Variants in FARS2 observed in about 807,000 individuals in gnomAD.
FARS2 encodes the protein phenylalanyl-tRNA synthetase 2, mitochondrial.
A neutral mutation model predicts 46.4 loss-of-function variants in FARS2; 40 were observed. That is an observed-to-expected ratio of 0.86 (90% confidence interval 0.67 to 1.12). The LOEUF is 1.12. Among genes scored for constraint, FARS2 ranks in the 50% most tolerant of loss-of-function variants. The pLI is 0.00. For missense variants in FARS2, 513 were observed against 567.9 expected (o/e 0.90, Z 0.98); for synonymous variants, 234 against 214.9 (o/e 1.09, Z -0.78).
In FARS2 at chr6:5,318,387, CAAAA is replaced by C. The variant is rs753113504; in HGVS notation, c.-21-50146_-21-50143del. On this transcript the variant is annotated intron_variant, in intron 1 of 6. Transcript: ENST00000274680. ...AAAAAGCAAACAAGCAAAAAAAAAC[CAAAA>C]AAAAAAAAAAAAAAAACCCTACAAG... Among the ~76,000 whole-genome samples the C allele has an allele frequency of 3.6e-3, 279 of 77,196 alleles. 1 individual carries two copies. The Middle Eastern group carries it at 0.046, about 13-fold the overall frequency. The allele number at this position is 77,196 out of a possible 152,430, so 50.6% of individuals were successfully genotyped here. A position where few individuals can be genotyped will look rare whatever the true frequency, so the allele number is the denominator to read the frequency against.
rs548148582 is a variant in FARS2 at position 5,727,369 on chromosome 6, T to C, written c.1218-43922T>C. On this transcript the variant is annotated intron_variant, in intron 6 of 6. Coordinates refer to ENST00000274680, the MANE Select transcript of FARS2 (RefSeq NM_006567.5). The surrounding 1 kb of genome is among the most constrained non-coding windows in gnomAD (Gnocchi z 4.1). ...CTGTCTCACAGCGCCTGCTACTTTCTCTGAGGCAGTGGTGTCACTTATACT... is the reference window on the plus strand; with the variant it reads ...CTGTCTCACAGCGCCTGCTACTTTCCCTGAGGCAGTGGTGTCACTTATACT... Among the ~76,000 whole-genome samples the C allele has an allele frequency of 1.3e-5, 2 of 152,346 alleles. No individual in the cohort carries two copies. The highest frequency in any genetic ancestry group is 4.8e-5 in the African/African-American group (2 of 41,588).
At chr6:5,415,310 C>CTTTTTTTTTT (rs773981175) in intron 3 of FARS2, among the ~76,000 whole-genome samples, 8 of 53,636 alleles carry the variant, frequency 1.5e-4, no homozygotes, top group African/African-American at 4.2e-4. Flanking sequence ...CTTTTCTTTT[C>CTTTTTTTTTT]TTTTTTTTTT....
intron 6 of FARS2, among the ~76,000 whole-genome samples, chr6:5,654,134 C>T (rs2150766423): frequency 6.6e-6 from 1 of 152,228 alleles, no homozygotes. Flanking sequence ...ACATTAGGGC[C>T]CTACGTCCAC....
chr6:5,569,471 C>G (rs1772510880), intron 5 of FARS2, among the ~76,000 whole-genome samples: 2 of 152,102 alleles, frequency 1.3e-5, no homozygotes, highest in East Asian at 3.9e-4. Flanking sequence ...CTGATCCACC[C>G]ACCTCGGCTT....
intron 1 of FARS2, among the ~76,000 whole-genome samples, chr6:5,309,129 G>A (rs1029700337): frequency 2.0e-5 from 3 of 152,204 alleles, no homozygotes; most frequent in Non-Finnish European, 2.9e-5. Context: ...ACAATGTGCT[G>A]TGTACAAGAT....
At chr6:5,448,471 G>GTTTT (rs35279187) in intron 4 of FARS2, among the ~76,000 whole-genome samples, 1 of 145,528 alleles carries the variant, frequency 6.9e-6, no homozygotes. Flanking sequence ...CATTTTTTCT[G>GTTTT]TTTTTTTTTT....
chr6:5,588,015 G>A (rs890978298), intron 5 of FARS2, among the ~76,000 whole-genome samples: 2 of 152,124 alleles, frequency 1.3e-5, no homozygotes, highest in African/African-American at 4.8e-5. Context: ...GGAGAAGGCT[G>A]GAATCACTCA....
At chr6:5,377,054 A>G (rs910098229) in intron 2 of FARS2, among the ~76,000 whole-genome samples, 1 of 152,236 alleles carries the variant, frequency 6.6e-6, no homozygotes, top group Non-Finnish European at 1.5e-5. Context: ...CCACTGTTCT[A>G]TAGCTTCCAA....
At position 5,763,954 on chromosome 6, in the gene FARS2, G is replaced by C. The variant is rs1047193288; in HGVS notation, c.1218-7337G>C. On this transcript the variant is annotated intron_variant, in intron 6 of 6. Transcript: ENST00000274680. ...TCTTCCCATCCTCAGTCCAAAGTCA[G>C]AGTCCAAACTCTGAGGAGGGTAAAA... Among the ~76,000 whole-genome samples the C allele has an allele frequency of 6.6e-5, 10 of 152,112 alleles. No individual in the cohort carries two copies. In the South Asian group the frequency reaches 2.1e-3, roughly 32 times the overall value.
intron 4 of FARS2, among the ~76,000 whole-genome samples, chr6:5,454,385 A>G (rs1210038248): frequency 1.3e-5 from 2 of 152,126 alleles, no homozygotes; most frequent in Non-Finnish European, 2.9e-5. Flanking sequence ...TCTGTCGCCC[A>G]GGCTGGAGTG....
rs775340627 is a variant in FARS2, at chr6:5,369,047, C to A, written c.477C>A (p.His159Gln). The A allele has an allele frequency of 5.0e-6, 8 of 1,613,998 alleles. No homozygotes were observed. In the Admixed American group the frequency reaches 5.0e-5, roughly 10 times the overall value. Residue 159 changes from histidine (H) to glutamine (Q), a missense_variant, in exon 2 of 7, where the codon CAC becomes CAA. Transcript: ENST00000274680. ...TGCTGAGAGCGCACACGTCTGCACACCAGTGGGACTTGCTGCACGCGGGAC... is the reference window on the plus strand; with the variant it reads ...TGCTGAGAGCGCACACGTCTGCACAACAGTGGGACTTGCTGCACGCGGGAC... The part of the protein sequence containing the change: ...THMLRAHTSA[H>Q]QWDLLHAGLD...
intron 2 of FARS2, among the ~76,000 whole-genome samples, chr6:5,372,240 G>A (rs528653751): frequency 1.8e-4 from 27 of 152,186 alleles, no homozygotes; most frequent in African/African-American, 6.5e-4. Flanking sequence ...AATGGGTTAC[G>A]AAGTTAAAAT....
intron 5 of FARS2, among the ~76,000 whole-genome samples, chr6:5,600,246 G>A (rs1774433684): frequency 6.6e-6 from 1 of 152,172 alleles, no homozygotes; most frequent in Admixed American, 6.5e-5. Context: ...AATACTTACA[G>A]AAATTCTGTC....
the FARS2 span, among the ~76,000 whole-genome samples, chr6:5,255,144 C>T: frequency 6.6e-6 from 1 of 152,200 alleles, no homozygotes; most frequent in Non-Finnish European, 1.5e-5. Context: ...TTGATCTCCT[C>T]CCATTTCTTC....
intron 3 of FARS2, among the ~76,000 whole-genome samples, chr6:5,405,404 G>T (rs1017145316): frequency 6.6e-6 from 1 of 150,704 alleles, no homozygotes; most frequent in African/African-American, 2.4e-5. Flanking sequence ...CATCAATGGA[G>T]TGAAAATATA....
intron 1 of FARS2, among the ~76,000 whole-genome samples, chr6:5,265,939 T>TA (rs1765523241): frequency 6.6e-6 from 1 of 151,776 alleles, no homozygotes; most frequent in Admixed American, 6.6e-5. Context: ...AATTTTTTTT[T>TA]AAAATTCTCT....
Position 5,405,713 on chromosome 6 carries a change from C to T in FARS2, c.772+1012C>T, listed in dbSNP as rs571612562. Among the ~76,000 whole-genome samples the T allele has an allele frequency of 5.3e-5, 8 of 151,872 alleles. No homozygotes were observed. The East Asian group carries it at 5.8e-4, about 11-fold the overall frequency. On this transcript the variant is annotated intron_variant, in intron 3 of 6. Coordinates refer to ENST00000274680, the MANE Select transcript of FARS2 (RefSeq NM_006567.5). ...TTCACCGTGTTTGCCAAGATGGTCT[C>T]GATCTCCTGACCTTGTGATTCACCC... is the stretch of plus-strand genomic sequence containing the variant.
chr6:5,386,457 T>A (rs1007097568), intron 2 of FARS2, among the ~76,000 whole-genome samples: 1 of 152,182 alleles, frequency 6.6e-6, no homozygotes, highest in Non-Finnish European at 1.5e-5. Context: ...TCGTTCAGGT[T>A]GGCATTTTAG....
At position 5,401,482 on chromosome 6, in the gene FARS2, G is replaced by A. The variant is rs559552045; in HGVS notation, c.613-3060G>A. 2.6e-5 allele frequency among the ~76,000 whole-genome samples: 4 copies of A among 152,184 alleles called. No homozygotes were observed. In the South Asian group the frequency reaches 8.3e-4, roughly 32 times the overall value. On this transcript the variant is annotated intron_variant, in intron 2 of 6. Coordinates refer to ENST00000274680, the MANE Select transcript of FARS2 (RefSeq NM_006567.5). ...TAGTTACGTTATTTCTACTTTGTCA[G>A]AACATATAACAATTGGATATTAGTC...
Sources: allele counts gnomAD v4.1 joint callset (sites outside exome capture counted in the v4.1 genomes callset), GRCh38; gene constraint gnomAD v4.1.1; non-coding constraint Gnocchi (gnomAD v3.1); transcripts MANE v1.5; gene names NCBI Gene and HGNC (gene_info 2026-07-23, HGNC 2026-07-21).